The following HIVEP3 variants were observed in gnomAD, a reference collection of about 807,000 sequenced individuals.
HIVEP3 encodes transcription factor HIVEP3.
HIVEP3 carries 49 observed loss-of-function variants against 152.8 expected under a neutral mutation model. The observed-to-expected ratio is 0.32, with a 90% CI of 0.26 to 0.41. HIVEP3 has a LOEUF of 0.41. Ranked by LOEUF, HIVEP3 falls within the 10% of genes least tolerant of loss-of-function variation. The pLI, the probability that HIVEP3 is intolerant of heterozygous loss-of-function variation, is 1.00. For synonymous variants in HIVEP3, 1,269 were observed against 1,289.0 expected (o/e 0.98, Z 0.33); for missense variants, 2,790 against 3,103.3 (o/e 0.90, Z 2.40).
rs1483794269 is a variant in HIVEP3, at chr1:41,635,596, ACG to A, written c.-720-6651_-720-6650del. On this transcript the variant is annotated intron_variant, in intron 2 of 8. Coordinates refer to ENST00000372583, the MANE Select transcript of HIVEP3 (RefSeq NM_024503.5). The stretch of plus-strand genomic sequence containing the variant: ...TATGTATATATACATACATATACAT[ACG>A]TATGTATATATACATACATATACAT... Among the ~76,000 whole-genome samples the A allele has an allele frequency of 5.4e-5, 2 of 37,236 alleles. 1 individual carries two copies. The highest frequency in any genetic ancestry group is 5.2e-4 in the African/African-American group (2 of 3,862). The allele number at this position is 37,236 out of a possible 152,430, so 24.4% of individuals were successfully genotyped here. A position where few individuals can be genotyped will look rare whatever the true frequency, so the allele number is the denominator to read the frequency against.
rs796376113 is a variant in HIVEP3 at position 41,612,122 on chromosome 1, C to T, written c.-522+16627G>A. Among the ~76,000 whole-genome samples the T allele has an allele frequency of 2.6e-4, 40 of 152,226 alleles. 1 individual carries two copies. The highest frequency in any genetic ancestry group is 9.6e-4 in the African/African-American group (40 of 41,542). ...CCACCTGTGCCCCAGCTCCTCTCAC[C>T]CTTTCTGCCTCCTGCCAGGGTTCAA... On this transcript the variant is annotated intron_variant, in intron 3 of 8. Coordinates refer to ENST00000372583, the MANE Select transcript of HIVEP3 (RefSeq NM_024503.5).
At chr1:41,920,530 G>A (rs1053434446), upstream of HIVEP3, among the ~76,000 whole-genome samples, 1 of 151,326 alleles carries the variant, frequency 6.6e-6, no homozygotes, top group East Asian at 1.9e-4. Flanking sequence ...AAAACATTCT[G>A]TCTTCACACT....
chr1:41,644,862 C>A (rs1645435850), intron 2 of HIVEP3, among the ~76,000 whole-genome samples: 1 of 152,062 alleles, frequency 6.6e-6, no homozygotes, highest in African/African-American at 2.4e-5. Flanking sequence ...ACAGCTGGCC[C>A]AGGTCGTTGG....
chr1:41,764,440 G>C (rs1320783695), intron 1 of HIVEP3, among the ~76,000 whole-genome samples: 1 of 152,210 alleles, frequency 6.6e-6, no homozygotes, highest in East Asian at 1.9e-4. Context: ...ATGAGGACAG[G>C]AGAAGCGAAA....
chr1:41,895,420 T>C (rs1455445891), intron 1 of HIVEP3, among the ~76,000 whole-genome samples: 1 of 152,144 alleles, frequency 6.6e-6, no homozygotes, highest in Non-Finnish European at 1.5e-5. Context: ...GGGTCCAATG[T>C]TCATATCAGG....
Position 41,897,967 on chromosome 1 carries a change from G to C in HIVEP3, c.-801+20446C>G, listed in dbSNP as rs891553776. On this transcript the variant is annotated intron_variant, in intron 1 of 8. Coordinates refer to ENST00000372583, the MANE Select transcript of HIVEP3 (RefSeq NM_024503.5). ...AGAGAGAGAGAGAGAGAGAGAGAGA[G>C]AGAGAGAGAGAGAGGTGCTGGGAGA... Among the ~76,000 whole-genome samples, 21 of 149,300 alleles carry C rather than the reference G, an allele frequency of 1.4e-4. No homozygotes were observed. In the East Asian group the frequency reaches 3.9e-3, roughly 28 times the overall value.
intron 5 of HIVEP3, among the ~76,000 whole-genome samples, chr1:41,554,188 G>C (rs950007279): frequency 3.9e-5 from 6 of 152,144 alleles, no homozygotes; most frequent in African/African-American, 1.4e-4. Context: ...TGGAGGCTTT[G>C]TTCATTTCTT....
intron 1 of HIVEP3, among the ~76,000 whole-genome samples, chr1:41,850,287 G>A (rs1218892242): frequency 6.6e-6 from 1 of 152,010 alleles, no homozygotes; most frequent in Non-Finnish European, 1.5e-5. Flanking sequence ...ACTCAGCCCT[G>A]TAACCTCATC....
chr1:42,006,550 A>G (rs1325586072), intron 1 of HIVEP3, among the ~76,000 whole-genome samples: 2 of 147,526 alleles, frequency 1.4e-5, no homozygotes, highest in Non-Finnish European at 3.0e-5. Context: ...ATGAAAAATA[A>G]CTATACTTTC....
chr1:41,548,469 T>A (rs1395213990), intron 5 of HIVEP3, among the ~76,000 whole-genome samples: 1 of 152,212 alleles, frequency 6.6e-6, no homozygotes, highest in African/African-American at 2.4e-5. Flanking sequence ...TGCACTTTTT[T>A]AAGCAACTCT....
Position 41,514,279 on chromosome 1 carries a change from GT to G in HIVEP3, c.5471-530del, listed in dbSNP as rs1642538254. 4.6e-5 allele frequency among the ~76,000 whole-genome samples: 7 copies of G among 152,304 alleles called. No homozygotes were observed. In the South Asian group the frequency reaches 1.5e-3, roughly 32 times the overall value. ...GAATGTGATGGTCTCACCTCACCAG[GT>G]TTTCTAGGAGGACTAAAATGAAGGC... On this transcript the variant is annotated intron_variant, in intron 7 of 8. Coordinates refer to ENST00000372583, the MANE Select transcript of HIVEP3 (RefSeq NM_024503.5).
At chr1:41,985,111 G>A (rs1645314789) in intron 1 of HIVEP3, among the ~76,000 whole-genome samples, 1 of 152,146 alleles carries the variant, frequency 6.6e-6, no homozygotes, top group Non-Finnish European at 1.5e-5. Context: ...ATGAAGGGTG[G>A]GAAGGAGCTA....
chr1:41,927,656 A>G (rs1644974764), intron 1 of HIVEP3, among the ~76,000 whole-genome samples: 1 of 152,200 alleles, frequency 6.6e-6, no homozygotes, highest in Non-Finnish European at 1.5e-5. Context: ...AATTGGAATC[A>G]GAAGATGGAC....
intron 1 of HIVEP3, among the ~76,000 whole-genome samples, chr1:41,961,872 G>T (rs895159684): frequency 6.6e-6 from 1 of 152,234 alleles, no homozygotes; most frequent in African/African-American, 2.4e-5. Context: ...AGTAATACTG[G>T]TCCCTTTTCT....
chr1:41,605,409 ACAT>A (rs1570084249), intron 3 of HIVEP3, among the ~76,000 whole-genome samples: 3 of 150,002 alleles, frequency 2.0e-5, no homozygotes, highest in East Asian at 3.9e-4. Context: ...ACACACACAT[ACAT>A]ATGTTAAAAA....
At chr1:42,026,312 T>C (rs1438715119) in intron 1 of HIVEP3, among the ~76,000 whole-genome samples, 1 of 152,180 alleles carries the variant, frequency 6.6e-6, no homozygotes, top group African/African-American at 2.4e-5. Flanking sequence ...CTCCTTGTCC[T>C]GCAAGGCCGC....
At chr1:41,862,778 G>A (rs1390464772) in intron 1 of HIVEP3, among the ~76,000 whole-genome samples, 1 of 152,172 alleles carries the variant, frequency 6.6e-6, no homozygotes, top group East Asian at 1.9e-4. Flanking sequence ...TAGGAGTCAG[G>A]CAAGGGAATC....
At chr1:41,998,327 G>A (rs1645406934) in intron 1 of HIVEP3, among the ~76,000 whole-genome samples, 2 of 152,080 alleles carry the variant, frequency 1.3e-5, no homozygotes, top group Non-Finnish European at 2.9e-5. Context: ...CAGGACACTG[G>A]ATACTGAATT....
intron 3 of HIVEP3, among the ~76,000 whole-genome samples, chr1:41,600,355 A>T (rs1369253741): frequency 6.6e-6 from 1 of 152,222 alleles, no homozygotes; most frequent in African/African-American, 2.4e-5. Flanking sequence ...AAATTCATTC[A>T]TGTTGTAGCA....
Sources: allele counts gnomAD v4.1 joint callset (sites outside exome capture counted in the v4.1 genomes callset), GRCh38; gene constraint gnomAD v4.1.1; transcripts MANE v1.5; gene names NCBI Gene and HGNC (gene_info 2026-07-23, HGNC 2026-07-21).